GALNT13: variants seen among roughly 807,000 people sequenced by gnomAD.
GALNT13 encodes the protein UDP-GalNAc:polypeptide N-acetylgalactosaminyltransferase 13.
In GALNT13, 28 loss-of-function variants were observed where a neutral mutation model predicts 64.2. The observed-to-expected ratio is 0.44, with a 90% CI of 0.32 to 0.60. The LOEUF (loss-of-function observed/expected upper bound fraction) is 0.60, where lower values mean the gene tolerates loss of function less well. Ranked by LOEUF, GALNT13 falls within the 20% of genes least tolerant of loss-of-function variation. The probability of loss-of-function intolerance (pLI) is 0.05; values close to 1 mark genes in which losing one functional copy is unlikely to be tolerated. For missense variants in GALNT13, 577 were observed against 669.8 expected (o/e 0.86, Z 1.53); for synonymous variants, 214 against 224.6 (o/e 0.95, Z 0.42).
chr2:154,038,892 A>G (rs745800318), intron 3 of GALNT13, among the ~76,000 whole-genome samples: 24 of 152,140 alleles, frequency 1.6e-4, no homozygotes, highest in Non-Finnish European at 3.1e-4. Context: ...ATATATAAGG[A>G]ACTCAAACAA....
At chr2:154,023,326 T>C (rs778966988) in intron 3 of GALNT13, among the ~76,000 whole-genome samples, 1 of 152,188 alleles carries the variant, frequency 6.6e-6, no homozygotes, top group South Asian at 2.1e-4. Context: ...TGTGGGAGTA[T>C]AAGTCTCTTT....
chr2:154,123,963 T>C (rs1306609073), intron 3 of GALNT13, among the ~76,000 whole-genome samples: 1 of 152,086 alleles, frequency 6.6e-6, no homozygotes, highest in Admixed American at 6.5e-5. Context: ...TATATACATT[T>C]GTCTAAACTC....
the GALNT13 span, among the ~76,000 whole-genome samples, chr2:153,650,499 C>A: frequency 6.6e-6 from 1 of 152,104 alleles, no homozygotes; most frequent in Non-Finnish European, 1.5e-5. Context: ...GAATTTGATC[C>A]TGTCATTATG....
chr2:154,327,630 C>G (rs1393586905), intron 9 of GALNT13, among the ~76,000 whole-genome samples: 1 of 152,098 alleles, frequency 6.6e-6, no homozygotes. Flanking sequence ...TCCTGCTTAT[C>G]TGGTTTCCAG....
chr2:154,013,250 G>A (rs1168224122), intron 3 of GALNT13, among the ~76,000 whole-genome samples: 1 of 151,528 alleles, frequency 6.6e-6, no homozygotes, highest in Non-Finnish European at 1.5e-5. Context: ...AAGCCCTTTG[G>A]TGTTTGATTG....
the GALNT13 span, among the ~76,000 whole-genome samples, chr2:153,077,026 A>G: frequency 6.6e-6 from 1 of 151,976 alleles, no homozygotes; most frequent in Non-Finnish European, 1.5e-5. Flanking sequence ...ATCTTGGCTC[A>G]CTGCAACCTC....
At chr2:153,150,013 T>C in the GALNT13 span, among the ~76,000 whole-genome samples, 1 of 151,844 alleles carries the variant, frequency 6.6e-6, no homozygotes, top group African/African-American at 2.4e-5. Flanking sequence ...TATGAAGGAT[T>C]CATGGAGTAA....
intron 3 of GALNT13, among the ~76,000 whole-genome samples, chr2:154,047,243 A>G (rs537084257): frequency 5.3e-5 from 8 of 152,312 alleles, no homozygotes; most frequent in African/African-American, 1.9e-4. Flanking sequence ...ATCTCAATAA[A>G]TGAATAAATA....
intron 3 of GALNT13, among the ~76,000 whole-genome samples, chr2:154,124,914 C>T (rs1682167086): frequency 6.6e-6 from 1 of 152,034 alleles, no homozygotes; most frequent in African/African-American, 2.4e-5. Flanking sequence ...AAAAGGAATA[C>T]TACATAAGCC....
intron 3 of GALNT13, among the ~76,000 whole-genome samples, chr2:154,031,903 G>A (rs1373928885): frequency 1.3e-5 from 2 of 151,732 alleles, no homozygotes; most frequent in Non-Finnish European, 2.9e-5. Flanking sequence ...AACACAATAA[G>A]CACGATCAGC....
the GALNT13 span, among the ~76,000 whole-genome samples, chr2:153,615,734 A>T: frequency 6.6e-6 from 1 of 152,062 alleles, no homozygotes; most frequent in Admixed American, 6.6e-5. Context: ...AATCTTTTAA[A>T]TCGAAATGGA....
At chr2:153,739,509 T>G in the GALNT13 span, among the ~76,000 whole-genome samples, 1 of 146,854 alleles carries the variant, frequency 6.8e-6, no homozygotes, top group Non-Finnish European at 1.5e-5. Flanking sequence ...GATTTTTGTT[T>G]TATTTATTTA....
the GALNT13 span, among the ~76,000 whole-genome samples, chr2:153,823,199 C>T: frequency 6.6e-6 from 1 of 152,084 alleles, no homozygotes; most frequent in African/African-American, 2.4e-5. Context: ...GCCATATTGC[C>T]CAGGACAATA....
the GALNT13 span, among the ~76,000 whole-genome samples, chr2:153,248,872 G>T: frequency 6.2e-4 from 90 of 145,158 alleles, no homozygotes; most frequent in African/African-American, 1.9e-3. Flanking sequence ...AGGTATTGAA[G>T]GAACATACCT....
chr2:154,375,273 C>A (rs1697920379), intron 9 of GALNT13, among the ~76,000 whole-genome samples: 2 of 152,106 alleles, frequency 1.3e-5, no homozygotes, highest in Admixed American at 6.6e-5. Flanking sequence ...CAGGCTTGAG[C>A]CACCGCATCC....
chr2:153,782,782 C>A, the GALNT13 span, among the ~76,000 whole-genome samples: 2 of 152,072 alleles, frequency 1.3e-5, no homozygotes, highest in African/African-American at 4.8e-5. Context: ...GGTCTTCTAC[C>A]CTTTGGGAAT....
At chr2:154,278,545 A>G (rs1292024819) in intron 8 of GALNT13, among the ~76,000 whole-genome samples, 2 of 152,208 alleles carry the variant, frequency 1.3e-5, no homozygotes, top group East Asian at 3.8e-4. Context: ...AGAGCAAGGC[A>G]TTTCCTTAGG....
the GALNT13 span, among the ~76,000 whole-genome samples, chr2:153,252,241 A>T: frequency 7.2e-6 from 1 of 139,600 alleles, no homozygotes; most frequent in Non-Finnish European, 1.5e-5. Context: ...GCATTTTTTC[A>T]TGTGTTTTTT....
chr2:153,720,315 C>G, the GALNT13 span, among the ~76,000 whole-genome samples: 1 of 146,676 alleles, frequency 6.8e-6, no homozygotes, highest in Admixed American at 6.7e-5. Flanking sequence ...ATCTGTACAT[C>G]ACCATCATCA....
Sources: gnomAD v4.1 joint callset for allele counts (sites outside exome capture counted in the v4.1 genomes callset) on GRCh38, gnomAD v4.1.1 for gene constraint, MANE v1.5 for transcripts, NCBI Gene and HGNC (gene_info 2026-07-23, HGNC 2026-07-21) for gene names.